Variants in ADAMTS6 observed in about 807,000 individuals in gnomAD.
ADAMTS6 encodes ADAM metallopeptidase with thrombospondin type 1 motif 6, also known as A disintegrin and metalloproteinase with thrombospondin motifs 6.
Under a neutral mutation model 144.3 loss-of-function variants are expected in ADAMTS6, and 23 were observed. That is an observed-to-expected ratio of 0.16 (90% CI 0.11 to 0.23). The LOEUF is 0.23. Ranked by LOEUF, ADAMTS6 falls within the 10% of genes least tolerant of loss-of-function variation. The probability of loss-of-function intolerance (pLI) is 1.00; values close to 1 mark genes in which losing one functional copy is unlikely to be tolerated. For missense variants in ADAMTS6, 999 were observed against 1,379.6 expected (o/e 0.72, Z 4.37); for synonymous variants, 444 against 457.5 (o/e 0.97, Z 0.38).
chr5:65,199,341 C>T (rs1466284500), intron 20 of ADAMTS6, among the ~76,000 whole-genome samples: 3 of 152,140 alleles, frequency 2.0e-5, no homozygotes, highest in African/African-American at 7.2e-5. Flanking sequence ...CTTTCTCTAA[C>T]TTAACCCTAG....
chr5:65,350,663 G>T (rs1238160545), intron 7 of ADAMTS6, among the ~76,000 whole-genome samples: 4 of 152,008 alleles, frequency 2.6e-5, no homozygotes, highest in African/African-American at 9.7e-5. Flanking sequence ...TTGGGGGCGT[G>T]AGGGGGTGGG....
intron 12 of ADAMTS6, among the ~76,000 whole-genome samples, chr5:65,270,516 T>C (rs1207354061): frequency 6.6e-6 from 1 of 152,222 alleles, no homozygotes; most frequent in Non-Finnish European, 1.5e-5. Flanking sequence ...TGAAAGCTTC[T>C]TCATAAGTTC....
intron 10 of ADAMTS6, among the ~76,000 whole-genome samples, chr5:65,295,912 T>C (rs888066846): frequency 6.6e-6 from 1 of 152,074 alleles, no homozygotes; most frequent in South Asian, 2.1e-4. Flanking sequence ...AATCCAAAAA[T>C]TAGCCTTGAA....
intron 1 of ADAMTS6, among the ~76,000 whole-genome samples, chr5:65,478,779 C>G (rs1041188832): frequency 6.6e-6 from 1 of 152,152 alleles, no homozygotes; most frequent in Non-Finnish European, 1.5e-5. Context: ...GAAAACAGAA[C>G]CAAAACGTCC....
chr5:65,462,999 G>C (rs760444542), intron 3 of ADAMTS6, among the ~76,000 whole-genome samples: 1 of 151,412 alleles, frequency 6.6e-6, no homozygotes, highest in African/African-American at 2.4e-5. Flanking sequence ...AGAATCACTC[G>C]AACCTGGGAG....
chr5:65,472,603 C>G (rs1190288245), intron 2 of ADAMTS6, among the ~76,000 whole-genome samples: 1 of 152,084 alleles, frequency 6.6e-6, no homozygotes, highest in African/African-American at 2.4e-5. Flanking sequence ...TTTCCATCTA[C>G]CTTCTTAGCT....
intron 7 of ADAMTS6, among the ~76,000 whole-genome samples, chr5:65,341,434 A>G (rs192670419): frequency 3.3e-5 from 5 of 152,002 alleles, no homozygotes; most frequent in Non-Finnish European, 5.9e-5. Flanking sequence ...AAGATAACGA[A>G]AACTGACAAG....
chr5:65,418,900 A>G (rs572642131), intron 7 of ADAMTS6, among the ~76,000 whole-genome samples: 2 of 152,274 alleles, frequency 1.3e-5, no homozygotes, highest in South Asian at 4.1e-4. Flanking sequence ...CCAAAACAAC[A>G]AATGCTGGCA....
At chr5:65,194,336 C>A (rs747673055) in intron 21 of ADAMTS6, among the ~76,000 whole-genome samples, 5 of 152,172 alleles carry the variant, frequency 3.3e-5, no homozygotes, top group Admixed American at 6.5e-5. Context: ...AGATGTTGGG[C>A]AGCAACAGCA....
intron 3 of ADAMTS6, among the ~76,000 whole-genome samples, chr5:65,466,165 G>A (rs1319329853): frequency 6.6e-6 from 1 of 152,014 alleles, no homozygotes; most frequent in Non-Finnish European, 1.5e-5. Flanking sequence ...TAGTTGCTCA[G>A]GCCTCGAACT....
chr5:65,207,657 TTCA>T (rs1369247731), intron 20 of ADAMTS6, among the ~76,000 whole-genome samples: 100 of 152,358 alleles, frequency 6.6e-4, no homozygotes, highest in African/African-American at 2.4e-3. Flanking sequence ...TCTGCAAAGA[TTCA>T]TTCTCTTAAA....
chr5:65,225,092 T>C (rs1458453155), intron 16 of ADAMTS6, 45 bp from the exon 17 acceptor site: 2 of 1,585,130 alleles, frequency 1.3e-6, no homozygotes, highest in East Asian at 4.5e-5. Flanking sequence ...GAGAAATTCT[T>C]GGAATCATAA....
chr5:65,291,161 T>C (rs1442049380), intron 11 of ADAMTS6, among the ~76,000 whole-genome samples, 168 bp downstream of exon 11: 1 of 152,170 alleles, frequency 6.6e-6, no homozygotes, highest in African/African-American at 2.4e-5. Context: ...TTGAAACATT[T>C]AGAAAAAATA....
chr5:65,368,735 C>T (rs79918297), intron 7 of ADAMTS6, among the ~76,000 whole-genome samples: 2,467 of 152,232 alleles, frequency 0.016, 35 homozygotes, highest in East Asian at 0.082. Context: ...GGACTGGCTA[C>T]CTCCAAACTT....
chr5:65,458,015 G>A (rs535028136), intron 4 of ADAMTS6, among the ~76,000 whole-genome samples: 10 of 151,970 alleles, frequency 6.6e-5, no homozygotes, highest in Non-Finnish European at 1.3e-4. Context: ...CTGAGCCACC[G>A]TGCCCGGCCT....
chr5:65,356,079 G>C (rs1749295478), intron 7 of ADAMTS6, among the ~76,000 whole-genome samples: 1 of 151,270 alleles, frequency 6.6e-6, no homozygotes, highest in Non-Finnish European at 1.5e-5. Flanking sequence ...TAGTATCAGG[G>C]CTCCTGCATT....
At chr5:65,231,946 C>T (rs1354486102) in intron 15 of ADAMTS6, among the ~76,000 whole-genome samples, 1 of 151,952 alleles carries the variant, frequency 6.6e-6, no homozygotes, top group Non-Finnish European at 1.5e-5. Context: ...CTAGTCTCTA[C>T]TAAAACTACA....
chr5:65,264,236 T>C (rs1761433684), intron 12 of ADAMTS6, among the ~76,000 whole-genome samples: 1 of 152,168 alleles, frequency 6.6e-6, no homozygotes, highest in Non-Finnish European at 1.5e-5. Flanking sequence ...TGGTTTCCTA[T>C]TTCCATAACA....
intron 7 of ADAMTS6, among the ~76,000 whole-genome samples, chr5:65,373,293 C>T (rs1347173084): frequency 6.6e-6 from 1 of 151,428 alleles, no homozygotes; most frequent in African/African-American, 2.4e-5. Flanking sequence ...CACAAAAAGC[C>T]CTTCAAAAAA....
Sources: allele counts gnomAD v4.1 joint callset (sites outside exome capture counted in the v4.1 genomes callset), GRCh38; gene constraint gnomAD v4.1.1; transcripts MANE v1.5; gene names NCBI Gene and HGNC (gene_info 2026-07-23, HGNC 2026-07-21).